The following NRXN3 variants were observed in gnomAD, a reference collection of about 807,000 sequenced individuals.
The protein encoded by NRXN3 is neurexin 3, also known as neurexin III.
A neutral mutation model predicts 137.6 loss-of-function variants in NRXN3; 32 were observed. That is an observed-to-expected ratio of 0.23 (90% CI 0.18 to 0.31). The LOEUF is 0.31. Ranked by LOEUF, NRXN3 falls within the 10% of genes least tolerant of loss-of-function variation. NRXN3 has a pLI of 1.00. For missense variants in NRXN3, 1,574 were observed against 2,062.5 expected (o/e 0.76, Z 4.59); for synonymous variants, 798 against 784.5 (o/e 1.02, Z -0.29).
intron 15 of NRXN3, among the ~76,000 whole-genome samples, chr14:79,370,538 G>T (rs1279225308): frequency 6.6e-6 from 1 of 151,510 alleles, no homozygotes; most frequent in African/African-American, 2.4e-5. Context: ...GGCTGGTCTC[G>T]AACTCCTGAC....
chr14:79,457,041 C>T (rs2096267320), intron 15 of NRXN3, among the ~76,000 whole-genome samples: 1 of 147,778 alleles, frequency 6.8e-6, no homozygotes, highest in South Asian at 2.1e-4. Context: ...TCTCTGGTTC[C>T]AGGTTTAAAA....
chr14:78,597,549 C>A (rs1289273815), intron 4 of NRXN3, among the ~76,000 whole-genome samples: 2 of 152,150 alleles, frequency 1.3e-5, no homozygotes, highest in African/African-American at 2.4e-5. Context: ...AGGCCTCAGG[C>A]CTCAATCTGG....
chr14:78,890,879 A>C (rs1477753997), intron 10 of NRXN3, among the ~76,000 whole-genome samples: 1 of 151,906 alleles, frequency 6.6e-6, no homozygotes, highest in Admixed American at 6.6e-5. Context: ...TGGTGTTAGC[A>C]ATCATTCAAT....
At chr14:78,613,475 T>C (rs2097316907) in intron 4 of NRXN3, among the ~76,000 whole-genome samples, 1 of 152,058 alleles carries the variant, frequency 6.6e-6, no homozygotes, top group South Asian at 2.1e-4. Flanking sequence ...TATCTAGCTA[T>C]TGGAATTTTG....
intron 4 of NRXN3, among the ~76,000 whole-genome samples, chr14:78,456,289 A>T (rs2094698637): frequency 6.6e-6 from 1 of 152,108 alleles, no homozygotes; most frequent in South Asian, 2.1e-4. Context: ...AAGTACAAAA[A>T]GCGGCTCAGG....
intron 1 of NRXN3, among the ~76,000 whole-genome samples, chr14:78,186,494 A>T (rs771223263): frequency 6.6e-6 from 1 of 152,208 alleles, no homozygotes; most frequent in African/African-American, 2.4e-5. Flanking sequence ...TTCCTCAGGG[A>T]TCTGATGTCT....
chr14:79,205,089 A>G (rs2066606958), intron 15 of NRXN3, among the ~76,000 whole-genome samples: 2 of 152,138 alleles, frequency 1.3e-5, no homozygotes, highest in Admixed American at 6.6e-5. Flanking sequence ...CTTCCTTGAC[A>G]CTTCACTGTT....
intron 15 of NRXN3, among the ~76,000 whole-genome samples, chr14:79,199,468 A>G (rs976897571): frequency 1.3e-5 from 2 of 152,216 alleles, no homozygotes; most frequent in African/African-American, 4.8e-5. Flanking sequence ...ACAAACTACA[A>G]TGTTCACTAA....
chr14:78,438,471 T>C (rs1353817806), intron 4 of NRXN3, among the ~76,000 whole-genome samples: 1 of 152,140 alleles, frequency 6.6e-6, no homozygotes, highest in East Asian at 1.9e-4. Flanking sequence ...AACAAGTGTG[T>C]GTAGTGGCCT....
chr14:79,417,638 T>C (rs991080975), intron 15 of NRXN3, among the ~76,000 whole-genome samples: 1 of 152,152 alleles, frequency 6.6e-6, no homozygotes, highest in African/African-American at 2.4e-5. Flanking sequence ...ATAATGATGC[T>C]TTCGTTAATC....
intron 17 of NRXN3, among the ~76,000 whole-genome samples, chr14:79,677,174 A>G (rs2098645227): frequency 6.6e-6 from 1 of 152,024 alleles, no homozygotes; most frequent in African/African-American, 2.4e-5. Context: ...TTATTGAAAT[A>G]TTTTTTATAT....
At chr14:79,307,263 C>A (rs892801311) in intron 15 of NRXN3, among the ~76,000 whole-genome samples, 1 of 152,040 alleles carries the variant, frequency 6.6e-6, no homozygotes, top group Non-Finnish European at 1.5e-5. Context: ...ATTGACAGAG[C>A]TGGAATTGGA....
intron 10 of NRXN3, among the ~76,000 whole-genome samples, chr14:78,814,508 G>A (rs901826188): frequency 2.0e-5 from 3 of 152,140 alleles, no homozygotes; most frequent in East Asian, 1.9e-4. Flanking sequence ...CCAGCTACTC[G>A]GGAGGCTGAG....
intron 4 of NRXN3, among the ~76,000 whole-genome samples, chr14:78,573,485 G>T (rs765569811): frequency 2.0e-5 from 3 of 152,204 alleles, no homozygotes; most frequent in Non-Finnish European, 2.9e-5. Flanking sequence ...GAGGAACTTG[G>T]TGGGAACTGG....
At chr14:79,496,529 A>G (rs567037200) in intron 16 of NRXN3, among the ~76,000 whole-genome samples, 5 of 152,338 alleles carry the variant, frequency 3.3e-5, no homozygotes, top group African/African-American at 1.2e-4. Context: ...CATTATGAAC[A>G]TCAGTGATCA....
At chr14:78,824,505 T>A (rs1214134120) in intron 10 of NRXN3, among the ~76,000 whole-genome samples, 1 of 152,182 alleles carries the variant, frequency 6.6e-6, no homozygotes, top group African/African-American at 2.4e-5. Context: ...GTTTAATGAC[T>A]TGAAACTTTG....
intron 10 of NRXN3, among the ~76,000 whole-genome samples, chr14:78,835,811 C>A (rs553061981): frequency 2.6e-5 from 4 of 152,018 alleles, no homozygotes; most frequent in East Asian, 3.9e-4. Context: ...TGATAGAGGG[C>A]CCCTGTCCCT....
intron 19 of NRXN3, among the ~76,000 whole-genome samples, chr14:79,789,055 C>A (rs1156767126): frequency 1.3e-5 from 2 of 152,096 alleles, no homozygotes; most frequent in Non-Finnish European, 2.9e-5. Context: ...GATGATACTA[C>A]AAAATTACAC....
At chr14:78,738,006 C>T (rs978369255) in intron 8 of NRXN3, among the ~76,000 whole-genome samples, 1 of 152,110 alleles carries the variant, frequency 6.6e-6, no homozygotes, top group East Asian at 1.9e-4. Context: ...GCCTCAGCAT[C>T]GGGCTAAAAA....
Sources: allele counts gnomAD v4.1 joint callset (sites outside exome capture counted in the v4.1 genomes callset), GRCh38; gene constraint gnomAD v4.1.1; transcripts MANE v1.5; gene names NCBI Gene and HGNC (gene_info 2026-07-23, HGNC 2026-07-21).